Variants in CDH13 observed in about 807,000 individuals in gnomAD.
The protein encoded by CDH13 is cadherin-13.
CDH13 carries 24 observed loss-of-function variants against 63.8 expected under a neutral mutation model. That is an observed-to-expected ratio of 0.38 (90% confidence interval 0.27 to 0.53). The LOEUF (loss-of-function observed/expected upper bound fraction) is 0.53, where lower values mean the gene tolerates loss of function less well. CDH13 is among the 20% of genes least tolerant of loss of function. The pLI is 0.85. For synonymous variants in CDH13, 503 were observed against 355.3 expected, an observed-to-expected ratio of 1.42 and a Z score of -4.67; for missense variants, 1,049 against 903.1, an observed-to-expected ratio of 1.16 and a Z score of -2.07.
chr16:82,923,329 G>T (rs1002353645), intron 2 of CDH13, among the ~76,000 whole-genome samples: 3 of 152,196 alleles, frequency 2.0e-5, no homozygotes, highest in African/African-American at 7.2e-5. Flanking sequence ...GGTGTGCATG[G>T]TATGCTCAGA....
At chr16:83,131,680 ACAAGT>A (rs1393104728) in intron 4 of CDH13, among the ~76,000 whole-genome samples, 4 of 152,192 alleles carry the variant, frequency 2.6e-5, no homozygotes, top group Non-Finnish European at 5.9e-5. Flanking sequence ...AGTTTGAAAG[ACAAGT>A]CATTTATGAA....
intron 4 of CDH13, among the ~76,000 whole-genome samples, chr16:83,127,751 G>A (rs749673947): frequency 6.6e-6 from 1 of 152,008 alleles, no homozygotes; most frequent in Non-Finnish European, 1.5e-5. Context: ...ACAAAAAATC[G>A]ATCTTTATTG....
chr16:82,923,268 G>A (rs1372674561), intron 2 of CDH13, among the ~76,000 whole-genome samples: 1 of 152,224 alleles, frequency 6.6e-6, no homozygotes, highest in African/African-American at 2.4e-5. Context: ...TCTGGCACAA[G>A]GTGGGAATTT....
At chr16:83,108,399 G>T in intron 3 of CDH13, among the ~76,000 whole-genome samples, 1 of 152,300 alleles carries the variant, frequency 6.6e-6, no homozygotes, top group Non-Finnish European at 1.5e-5. Flanking sequence ...CACATAAAAG[G>T]GTGAGAAACA....
At chr16:82,640,371 G>A (rs971373167) in intron 1 of CDH13, among the ~76,000 whole-genome samples, 1 of 152,074 alleles carries the variant, frequency 6.6e-6, no homozygotes, top group Admixed American at 6.6e-5. Flanking sequence ...TGTTTGTGTT[G>A]AAATTTTACT....
At chr16:83,526,216 G>A (rs376886303) in intron 7 of CDH13, among the ~76,000 whole-genome samples, 6 of 152,274 alleles carry the variant, frequency 3.9e-5, no homozygotes, top group African/African-American at 1.2e-4. Flanking sequence ...TGTTTTGTGG[G>A]GGCGGTGGTG....
chr16:82,895,950 C>A lies in CDH13; in HGVS notation c.157+37477C>A, dbSNP rs549052710. On this transcript the variant is annotated intron_variant, in intron 2 of 13. Transcript: ENST00000567109. ...GAGCTTGTGGCTGCCTCAAAGCCTT[C>A]GCAGGCATTATCCCTCTTGCAAATT... Among the ~76,000 whole-genome samples the A allele has an allele frequency of 2.2e-4, 34 of 152,142 alleles. 1 individual carries two copies. Among genetic ancestry groups the A allele is most frequent in the Admixed American group, 7.2e-4 (11 of 15,278 alleles).
At chr16:83,682,521 A>G (rs1347919782) in intron 10 of CDH13, among the ~76,000 whole-genome samples, 2 of 152,126 alleles carry the variant, frequency 1.3e-5, no homozygotes, top group African/African-American at 2.4e-5. Flanking sequence ...GCCACTGAAG[A>G]CAGCTTTGCT....
chr16:83,000,905 C>T (rs977312587), intron 2 of CDH13, among the ~76,000 whole-genome samples: 5 of 152,146 alleles, frequency 3.3e-5, no homozygotes, highest in Non-Finnish European at 7.3e-5. Flanking sequence ...CAGAACATGA[C>T]TTGAGGGACA....
chr16:83,172,781 A>G (rs1401943619), intron 4 of CDH13, among the ~76,000 whole-genome samples: 1 of 152,080 alleles, frequency 6.6e-6, no homozygotes, highest in African/African-American at 2.4e-5. Context: ...AAAACAAAAA[A>G]CAAACAATAA....
intron 6 of CDH13, among the ~76,000 whole-genome samples, chr16:83,434,856 C>CGTGT (rs951360129): frequency 2.5e-5 from 2 of 79,944 alleles, no homozygotes; most frequent in African/African-American, 9.6e-5. Flanking sequence ...TATGTGTGTG[C>CGTGT]GTGTGTGTGT....
chr16:83,308,338 T>C (rs1333203587), intron 5 of CDH13, among the ~76,000 whole-genome samples: 2 of 152,148 alleles, frequency 1.3e-5, no homozygotes, highest in African/African-American at 4.8e-5. Context: ...AATTTGCTAG[T>C]TGATCGAGAA....
At chr16:83,613,295 T>A (rs974212880) in intron 8 of CDH13, among the ~76,000 whole-genome samples, 1 of 152,246 alleles carries the variant, frequency 6.6e-6, no homozygotes, top group Non-Finnish European at 1.5e-5. Flanking sequence ...TAATTATACT[T>A]GTTCCTTAAA....
chr16:82,864,508 T>G (rs929316843), intron 2 of CDH13, among the ~76,000 whole-genome samples: 1 of 151,942 alleles, frequency 6.6e-6, no homozygotes, highest in African/African-American at 2.4e-5. Flanking sequence ...GAAGGAGAAG[T>G]GCTGAGATAA....
At chr16:83,000,895 CAG>C (rs1377036222) in intron 2 of CDH13, among the ~76,000 whole-genome samples, 3 of 152,252 alleles carry the variant, frequency 2.0e-5, no homozygotes, top group Non-Finnish European at 4.4e-5. Flanking sequence ...CTGTTAAGGA[CAG>C]AACATGACTT....
At chr16:83,619,479 T>G (rs1470756192) in intron 8 of CDH13, among the ~76,000 whole-genome samples, 2 of 152,232 alleles carry the variant, frequency 1.3e-5, no homozygotes, top group Non-Finnish European at 2.9e-5. Flanking sequence ...GTTTATTACC[T>G]CACAGCTCTG....
chr16:82,891,238 A>G (rs1045443927), intron 2 of CDH13, among the ~76,000 whole-genome samples: 2 of 152,076 alleles, frequency 1.3e-5, no homozygotes, highest in Non-Finnish European at 2.9e-5. Flanking sequence ...TATGTTCTGT[A>G]TCTCTCCCTT....
intron 6 of CDH13, among the ~76,000 whole-genome samples, chr16:83,373,779 G>C (rs1209356200): frequency 6.6e-6 from 1 of 152,138 alleles, no homozygotes; most frequent in Admixed American, 6.5e-5. Flanking sequence ...ACCTCCTTGA[G>C]ACTCAGTGTT....
intron 2 of CDH13, among the ~76,000 whole-genome samples, chr16:82,866,705 G>T (rs554495404): frequency 6.6e-6 from 1 of 152,042 alleles, no homozygotes; most frequent in Non-Finnish European, 1.5e-5. Context: ...CAGCATGCCT[G>T]GGGAGGCCTT....
Sources: allele counts gnomAD v4.1 joint callset (sites outside exome capture counted in the v4.1 genomes callset), GRCh38; gene constraint gnomAD v4.1.1; transcripts MANE v1.5; gene names NCBI Gene and HGNC (gene_info 2026-07-23, HGNC 2026-07-21).